Variants in PPP1R7 observed in about 807,000 individuals in gnomAD.
PPP1R7 encodes protein phosphatase 1 regulatory subunit 7.
PPP1R7 carries 18 observed loss-of-function variants against 45.2 expected under a neutral mutation model. That is an observed-to-expected ratio of 0.40 (90% CI 0.28 to 0.59). PPP1R7 has a LOEUF of 0.59. Among genes scored for constraint, PPP1R7 ranks in the 20% least tolerant of loss-of-function variants. The pLI is 0.46. For synonymous variants in PPP1R7, 181 were observed against 183.4 expected (o/e 0.99, Z 0.11); for missense variants, 314 against 455.8 (o/e 0.69, Z 2.83).
chr2:241,179,183 G>C (rs1051118129), intron 9 of PPP1R7, among the ~76,000 whole-genome samples: 3 of 152,170 alleles, frequency 2.0e-5, no homozygotes, highest in African/African-American at 7.2e-5. Flanking sequence ...CGTTGGTTCG[G>C]GCAAGGGATC....
In PPP1R7 at chr2:241,180,492, A is replaced by AT. The variant is rs532802458; in HGVS notation, c.907-2152dup. Among the ~76,000 whole-genome samples the AT allele has an allele frequency of 7.9e-5, 12 of 151,640 alleles. No individual in the cohort carries two copies. The South Asian group carries it at 2.5e-3, about 32-fold the overall frequency. The stretch of plus-strand genomic sequence containing the variant: ...GCCTCATTCAAAGCCATCCTAGGCC[A>AT]TTTACAGCCTGCAGGCCGTGGGTTG... On this transcript the variant is annotated intron_variant, in intron 9 of 9. Transcript: ENST00000234038.
chr2:241,160,326 TC>T lies in PPP1R7; in HGVS notation c.435-5del, dbSNP rs1440134989. The stretch of plus-strand genomic sequence containing the variant: ...TTTTTTAAAAAACTGTTTTGGTTGT[TC>T]TCAGGATTCTAGATATTTCTTTTAA... On this transcript the variant is annotated splice_region_variant and splice_polypyrimidine_tract_variant and intron_variant, in intron 5 of 9. Transcript: ENST00000234038. The T allele has an allele frequency of 6.3e-7, 1 of 1,587,136 alleles. No homozygotes were observed.
intron 9 of PPP1R7, among the ~76,000 whole-genome samples, chr2:241,173,296 A>C: frequency 2.2e-5 from 3 of 137,194 alleles, no homozygotes; most frequent in African/African-American, 2.7e-5. Flanking sequence ...AAAAAAAAGG[A>C]CGGGATCTTG....
In PPP1R7 at chr2:241,183,081, C is replaced by T. The variant is rs543098648; in HGVS notation, c.*258C>T. Reference sequence around the variant, plus strand: ...CACAGAGAGAACATAAGACACGTTGCGTTCATTCGCTAGAAATCCCTGTTT... The same window carrying T: ...CACAGAGAGAACATAAGACACGTTGTGTTCATTCGCTAGAAATCCCTGTTT... On this transcript the variant is annotated 3_prime_UTR_variant, in exon 10 of 10. Transcript: ENST00000234038. The T allele has an allele frequency of 5.3e-5, 27 of 513,910 alleles. No individual in the cohort carries two copies. Among genetic ancestry groups the T allele is most frequent in the East Asian group, 3.1e-4 (9 of 28,870 alleles). 31.8% of individuals were successfully genotyped at this position (513,910 alleles called of 1,614,324 possible). A position where few individuals can be genotyped will look rare whatever the true frequency, so the allele number is the denominator to read the frequency against.
chr2:241,177,282 TG>T (rs2067924015), intron 9 of PPP1R7, among the ~76,000 whole-genome samples: 2 of 151,796 alleles, frequency 1.3e-5, no homozygotes, highest in African/African-American at 4.8e-5. Context: ...CTGGATGTGG[TG>T]GCACGCGCCT....
rs780683367 is a variant in PPP1R7 at position 241,158,465 on chromosome 2, G to T, written c.238-19G>T. On this transcript the variant is annotated intron_variant, in intron 3 of 9. Transcript: ENST00000234038. ...AGCCACTTTGCTATAGCTGAGTATA[G>T]ATTTCTGCTTTGTTTCAGGATGTTG... 1 of 1,613,348 alleles carries T rather than the reference G, an allele frequency of 6.2e-7. No homozygotes were observed. The highest frequency in any genetic ancestry group is 1.1e-5 in the South Asian group (1 of 91,044).
In PPP1R7 at chr2:241,182,964, G is replaced by A; in HGVS notation, c.*141G>A. On this transcript the variant is annotated 3_prime_UTR_variant, in exon 10 of 10. Transcript: ENST00000234038. Reference sequence around the variant, plus strand: ...GCAATAAAGGCACTGACGATAGCTGGCGCGCGCGACGTCACACACCATTTT... The same window carrying A: ...GCAATAAAGGCACTGACGATAGCTGACGCGCGCGACGTCACACACCATTTT... The A allele has an allele frequency of 1.1e-6, 1 of 948,956 alleles. No homozygotes were observed. Among genetic ancestry groups the A allele is most frequent in the Admixed American group, 2.8e-5 (1 of 35,382 alleles). 58.8% of individuals were successfully genotyped at this position (948,956 alleles called of 1,614,324 possible). A position where few individuals can be genotyped will look rare whatever the true frequency, so the allele number is the denominator to read the frequency against.
intron 9 of PPP1R7, among the ~76,000 whole-genome samples, chr2:241,175,112 A>G (rs2067888399): frequency 1.3e-5 from 2 of 152,192 alleles, no homozygotes; most frequent in Non-Finnish European, 2.9e-5. Flanking sequence ...TACAAACCTC[A>G]TAAGGGCAGG....
chr2:241,156,171 C>G (rs1322597516), intron 2 of PPP1R7, among the ~76,000 whole-genome samples: 1 of 152,150 alleles, frequency 6.6e-6, no homozygotes, highest in Non-Finnish European at 1.5e-5. Flanking sequence ...AGCTCACTCC[C>G]CTGCAGAAGC....
intron 9 of PPP1R7, among the ~76,000 whole-genome samples, chr2:241,180,064 G>A (rs757378143): frequency 1.3e-5 from 2 of 152,216 alleles, no homozygotes; most frequent in Non-Finnish European, 2.9e-5. Flanking sequence ...AGCATCTGGT[G>A]TGTGACAAAC....
chr2:241,154,179 CAAAAAAAAAAA>C (rs1167747738), intron 2 of PPP1R7, among the ~76,000 whole-genome samples: 6 of 50,492 alleles, frequency 1.2e-4, no homozygotes, highest in Admixed American at 2.5e-4. Context: ...TACTCCTTCT[CAAAAAAAAAAA>C]AAAAAAAAAA....
intron 2 of PPP1R7, 38 bp downstream of exon 2, chr2:241,153,642 G>A (rs758014711): frequency 1.2e-6 from 2 of 1,607,926 alleles, no homozygotes; most frequent in South Asian, 2.2e-5. Flanking sequence ...TCTGCTGGTT[G>A]GGGGATGTGG....
chr2:241,175,985 C>T (rs903108629), intron 9 of PPP1R7, among the ~76,000 whole-genome samples: 1 of 152,154 alleles, frequency 6.6e-6, no homozygotes, highest in African/African-American at 2.4e-5. Context: ...ACCATGTTGG[C>T]CAGGATGGTC....
intron 6 of PPP1R7, 113 bp from the exon 7 acceptor site, chr2:241,163,172 C>T (rs2067632139): frequency 1.5e-6 from 1 of 681,392 alleles, no homozygotes; most frequent in Non-Finnish European, 2.6e-6. Flanking sequence ...ACGTCACTAG[C>T]CCCACATCGC....
chr2:241,150,517 G>T lies in PPP1R7; in HGVS notation c.22G>T (p.Gly8Trp), dbSNP rs1166544718. Residue 8 changes from glycine (G) to tryptophan (W), a missense_variant, in exon 1 of 10, where the codon GGG (glycine) becomes TGG (tryptophan). Transcript: ENST00000234038. Reference sequence around the variant, plus strand: ...CAACATGGCGGCGGAACGCGGCGCGGGGCAGCAACAGTCGCAGGAGATGAT... The same window carrying T: ...CAACATGGCGGCGGAACGCGGCGCGTGGCAGCAACAGTCGCAGGAGATGAT... MAAERGA[G>W]QQQSQEMMEV... 1.3e-6 allele frequency: 2 copies of T among 1,599,006 alleles called. No homozygotes were observed. Among genetic ancestry groups the T allele is most frequent in the Admixed American group, 1.7e-5 (1 of 58,852 alleles).
intron 9 of PPP1R7, among the ~76,000 whole-genome samples, chr2:241,173,919 T>TA (rs796143985): frequency 3.8e-4 from 57 of 151,928 alleles, no homozygotes; most frequent in African/African-American, 1.3e-3. Context: ...TGGCTTTATT[T>TA]TTTTTTTTTT....
chr2:241,181,017 G>A (rs566226459), intron 9 of PPP1R7, among the ~76,000 whole-genome samples: 1 of 152,062 alleles, frequency 6.6e-6, no homozygotes, highest in Non-Finnish European at 1.5e-5. Flanking sequence ...TGGCCAACGT[G>A]GTGAAACCCC....
chr2:241,156,571 G>A (rs758584949), intron 2 of PPP1R7, among the ~76,000 whole-genome samples: 2 of 152,104 alleles, frequency 1.3e-5, no homozygotes, highest in African/African-American at 2.4e-5. Context: ...AGCTTCCTGG[G>A]AGCCTAAGAC....
intron 9 of PPP1R7, among the ~76,000 whole-genome samples, chr2:241,180,515 T>C (rs893344027): frequency 7.3e-5 from 11 of 151,624 alleles, no homozygotes; most frequent in African/African-American, 2.7e-4. Context: ...AGGCCGTGGG[T>C]TGGACAAGCT....
Sources: gnomAD v4.1 joint callset for allele counts (sites outside exome capture counted in the v4.1 genomes callset) on GRCh38, gnomAD v4.1.1 for gene constraint, MANE v1.5 for transcripts, NCBI Gene and HGNC (gene_info 2026-07-23, HGNC 2026-07-21) for gene names.